The following CTDP1 variants were observed in gnomAD, a reference collection of about 807,000 sequenced individuals.
CTDP1 encodes RNA polymerase II subunit A C-terminal domain phosphatase.
Under a neutral mutation model 91.8 loss-of-function variants are expected in CTDP1, and 47 were observed. The observed-to-expected ratio is 0.51, with a 90% confidence interval of 0.41 to 0.65. The LOEUF (loss-of-function observed/expected upper bound fraction) is 0.65, where lower values mean the gene tolerates loss of function less well. Among genes scored for constraint, CTDP1 ranks in the 30% least tolerant of loss-of-function variants. CTDP1 has a pLI of 0.00. For missense variants in CTDP1, 1,272 were observed against 1,373.7 expected (o/e 0.93, Z 1.17); for synonymous variants, 656 against 598.5 (o/e 1.10, Z -1.40).
chr18:79,677,377 T>A (rs1471580247), upstream of CTDP1: 1 of 152,174 alleles, frequency 6.6e-6, no homozygotes, highest in Non-Finnish European at 1.5e-5. Flanking sequence ...CCAGTGCCAC[T>A]GTGTGGCCAA....
chr18:79,691,265 C>T (rs1371308712), intron 1 of CTDP1, among the ~76,000 whole-genome samples: 1 of 152,236 alleles, frequency 6.6e-6, no homozygotes. Context: ...TTTCTTCAGA[C>T]CTCAGGCTGC....
At position 79,753,959 on chromosome 18, in the gene CTDP1, G is replaced by C; in HGVS notation, c.*169G>C. On this transcript the variant is annotated 3_prime_UTR_variant, in exon 13 of 13. Coordinates refer to ENST00000613122, the MANE Select transcript of CTDP1 (RefSeq NM_004715.5). ...ATTTTGCAGAAATAGGTGTTTTTAAGAAGTTTTACTACAGGAATGTCTACT... is the reference window on the plus strand; with the variant it reads ...ATTTTGCAGAAATAGGTGTTTTTAACAAGTTTTACTACAGGAATGTCTACT... 1.1e-6 allele frequency: 1 copy of C among 931,432 alleles called. No individual in the cohort carries two copies. The allele number at this position is 931,432 out of a possible 1,614,324, so 57.7% of individuals were successfully genotyped here.
chr18:79,712,995 C>G lies in CTDP1; in HGVS notation c.887C>G (p.Ser296Ter), dbSNP rs1442518521. 1 of 1,614,084 alleles carries G rather than the reference C, an allele frequency of 6.2e-7. No homozygotes were observed. Among genetic ancestry groups the G allele is most frequent in the Admixed American group, 1.7e-5 (1 of 60,014 alleles). ...NLRNLFPCGDSMVCIIDDRED... is the reference protein window; with the variant it reads ...NLRNLFPCGD ...AGAAATCTCTTTCCTTGTGGAGACT[C>G]AATGGTTTGCATTATTGATGATCGA... Residue 296 changes from serine (S) to a stop codon, truncating the protein, a stop_gained, in exon 7 of 13, where the codon TCA (serine) becomes TGA (stop). Transcript: ENST00000613122. LOFTEE classifies it high-confidence loss of function.
chr18:79,731,197 A>T (rs1429107892), intron 11 of CTDP1, among the ~76,000 whole-genome samples: 1 of 152,082 alleles, frequency 6.6e-6, no homozygotes, highest in Non-Finnish European at 1.5e-5. Context: ...GACGATGGGG[A>T]GTCAAGAGGA....
intron 12 of CTDP1, among the ~76,000 whole-genome samples, chr18:79,747,217 G>A (rs562230574): frequency 7.2e-5 from 11 of 152,320 alleles, no homozygotes; most frequent in South Asian, 6.2e-4. Flanking sequence ...GCAGGCTCTC[G>A]GAGGGGAGGG....
chr18:79,717,359 GC>G (rs1340042339), intron 8 of CTDP1, among the ~76,000 whole-genome samples, 175 bp from the exon 9 acceptor site: 1 of 150,616 alleles, frequency 6.6e-6, no homozygotes, highest in Non-Finnish European at 1.5e-5. Flanking sequence ...CTGGGTGAGG[GC>G]CCTGAGCCCT....
intron 4 of CTDP1, among the ~76,000 whole-genome samples, chr18:79,701,605 TAGAG>T (rs1402938761): frequency 6.6e-6 from 1 of 152,048 alleles, no homozygotes; most frequent in Non-Finnish European, 1.5e-5. Context: ...GGAGCTGCCT[TAGAG>T]AGCAATTCTG....
In CTDP1 at chr18:79,751,703, G is replaced by A. The variant is rs147763890; in HGVS notation, c.2748-1949G>A. Among the ~76,000 whole-genome samples the A allele has an allele frequency of 1.1e-3, 174 of 152,262 alleles. 1 individual carries two copies. The highest frequency in any genetic ancestry group is 1.8e-3 in the Non-Finnish European group (121 of 68,012). The stretch of plus-strand genomic sequence containing the variant: ...TGTGTTACATGCGTGCTGTGTGTGC[G>A]TGCAGGTGTATCACATTACCGTGCT... On this transcript the variant is annotated intron_variant, in intron 12 of 12. Coordinates refer to ENST00000613122, the MANE Select transcript of CTDP1 (RefSeq NM_004715.5).
intron 4 of CTDP1, chr18:79,703,611 C>T (rs2085903584): frequency 6.6e-6 from 1 of 152,372 alleles, no homozygotes; most frequent in Non-Finnish European, 1.5e-5. Flanking sequence ...AAAACACTGT[C>T]AGCACGTGAT....
intron 4 of CTDP1, chr18:79,703,581 C>T (rs2085902736): frequency 1.3e-5 from 2 of 152,232 alleles, no homozygotes; most frequent in South Asian, 4.1e-4. Context: ...ATGTTGATTT[C>T]CTTTATTCAG....
At chr18:79,710,997 C>G (rs1484776075) in intron 6 of CTDP1, among the ~76,000 whole-genome samples, 1 of 152,162 alleles carries the variant, frequency 6.6e-6, no homozygotes, top group African/African-American at 2.4e-5. Flanking sequence ...TGCAGGGCCC[C>G]CAATCCAGGC....
At chr18:79,723,778 G>A (rs991020746) in intron 10 of CTDP1, among the ~76,000 whole-genome samples, 1 of 152,094 alleles carries the variant, frequency 6.6e-6, no homozygotes, top group Non-Finnish European at 1.5e-5. Context: ...GGCCTCAGCC[G>A]CTTCCCCTTC....
In CTDP1 at chr18:79,680,080, A is replaced by T; in HGVS notation, c.133A>T (p.Ile45Phe). ...GGTGGCGGCGGGCGCGGCCGTGCGC[A>T]TCGGCTCGGTGCTGGCCGTGTTCGA... Reference protein sequence around the residue: ...WRVAAGAAVRIGSVLAVFEAA... With the variant: ...WRVAAGAAVRFGSVLAVFEAA... The change falls in exon 1 of 13, where the codon ATC becomes TTC. Residue 45 changes from isoleucine to phenylalanine, a missense_variant. Physicochemically the swap from Ile to Phe is conservative, Grantham distance 21. This residue lies in a region of CTDP1 where 214 missense variants were observed against 179.1 expected (regional missense o/e 1.19). Transcript: ENST00000613122. 1 of 1,286,442 alleles carries T rather than the reference A, an allele frequency of 7.8e-7. No individual in the cohort carries two copies. The highest frequency in any genetic ancestry group is 9.8e-7 in the Non-Finnish European group (1 of 1,018,674). The allele number at this position is 1,286,442 out of a possible 1,614,324, so 79.7% of individuals were successfully genotyped here.
rs1181464238 is a variant in CTDP1 at position 79,695,327 on chromosome 18, G to A, written c.398+19G>A. ...TCACCCAGTAAGTATCCGGAAGAGT[G>A]AGATCGCTGCCTGCTGGGGCTCGAG... On this transcript the variant is annotated intron_variant, in intron 2 of 12. Coordinates refer to ENST00000613122, the MANE Select transcript of CTDP1 (RefSeq NM_004715.5). The A allele has an allele frequency of 6.2e-7, 1 of 1,611,836 alleles. No individual in the cohort carries two copies. Among genetic ancestry groups the A allele is most frequent in the South Asian group, 1.1e-5 (1 of 91,038 alleles).
At chr18:79,695,392 C>T in intron 2 of CTDP1, 84 bp downstream of exon 2, 2 of 1,243,598 alleles carry the variant, frequency 1.6e-6, no homozygotes, top group South Asian at 2.4e-5. Context: ...GTGCTGGGAA[C>T]ACAGTGAGGC....
chr18:79,711,367 C>T (rs2086079999), intron 6 of CTDP1, among the ~76,000 whole-genome samples: 1 of 152,050 alleles, frequency 6.6e-6, no homozygotes. Flanking sequence ...CAGTAGCCAG[C>T]TGTGAAGGAT....
intron 1 of CTDP1, among the ~76,000 whole-genome samples, chr18:79,693,024 C>T (rs2085656640): frequency 1.3e-5 from 2 of 152,324 alleles, no homozygotes; most frequent in Admixed American, 6.5e-5. Context: ...TGGACGAAAA[C>T]AGCTCAGCCG....
At position 79,736,491 on chromosome 18, in the gene CTDP1, A is replaced by C; in HGVS notation, c.2717A>C (p.Glu906Ala). 2 of 1,547,376 alleles carry C rather than the reference A, an allele frequency of 1.3e-6. No individual in the cohort carries two copies. Among genetic ancestry groups the C allele is most frequent in the South Asian group, 1.2e-5 (1 of 83,898 alleles). The change falls in exon 12 of 13, where the codon GAG (glutamate) becomes GCG (alanine). Residue 906 changes from glutamate (E) to alanine (A), a missense_variant. By Grantham distance (107) the Glu-to-Ala change is moderately radical (BLOSUM62 -1). Transcript: ENST00000613122. ...ERTLGAPASS[E>A]RSAAGGRGPR... is the part of the protein sequence containing the mutation. Reference sequence around the variant, plus strand: ...ACGCTCGGGGCACCTGCGTCCAGCGAGAGGAGCGCGGCAGGGGGCCGGGGG... The same window carrying C: ...ACGCTCGGGGCACCTGCGTCCAGCGCGAGGAGCGCGGCAGGGGGCCGGGGG...
chr18:79,710,369 C>A lies in CTDP1; in HGVS notation c.796C>A (p.Leu266Ile), dbSNP rs760470149. The A allele has an allele frequency of 8.7e-6, 14 of 1,613,758 alleles. No individual in the cohort carries two copies. The highest frequency in any genetic ancestry group is 1.3e-5 in the African/African-American group (1 of 74,864). Reference sequence around the variant, plus strand: ...AGGCTTTTTAGACCCCGAGAAGAAGCTTTTTTCTCACCGAATATTATCAAG... The same window carrying A: ...AGGCTTTTTAGACCCCGAGAAGAAGATTTTTTCTCACCGAATATTATCAAG... Reference protein sequence around the residue: ...IAGFLDPEKKLFSHRILSRDE... With the variant: ...IAGFLDPEKKIFSHRILSRDE... The change falls in exon 6 of 13, where the codon CTT (leucine) becomes ATT (isoleucine). Residue 266 changes from leucine (L) to isoleucine (I), a missense_variant. Coordinates refer to ENST00000613122, the MANE Select transcript of CTDP1 (RefSeq NM_004715.5).
Sources: allele counts gnomAD v4.1 joint callset (sites outside exome capture counted in the v4.1 genomes callset), GRCh38; gene constraint gnomAD v4.1.1; regional missense constraint gnomAD v4.1.1; transcripts MANE v1.5; gene names NCBI Gene and HGNC (gene_info 2026-07-23, HGNC 2026-07-21).